ADCYAP1: variants seen among roughly 807,000 people sequenced by gnomAD.
ADCYAP1 encodes the protein pituitary adenylate cyclase-activating polypeptide.
Under a neutral mutation model 18.5 loss-of-function variants are expected in ADCYAP1, and 6 were observed. The ratio of observed to expected loss-of-function variants is 0.32; its 90% CI spans 0.18 to 0.64. The LOEUF is 0.64. Among genes scored for constraint, ADCYAP1 ranks in the 30% least tolerant of loss-of-function variants. ADCYAP1 has a pLI of 0.77. For synonymous variants in ADCYAP1, 136 were observed against 113.9 expected (o/e 1.19, Z -1.24); for missense variants, 314 against 253.6 (o/e 1.24, Z -1.62).
intron 3 of ADCYAP1, 108 bp downstream of exon 3, chr18:907,898 A>C: frequency 7.3e-7 from 1 of 1,375,242 alleles, no homozygotes; most frequent in Non-Finnish European, 9.3e-7. Flanking sequence ...TTTCCCGTGA[A>C]AGTCCTCAAG....
In ADCYAP1 at chr18:909,506, C is replaced by A; in HGVS notation, c.402C>A (p.Asp134Glu). The A allele has an allele frequency of 1.2e-6, 2 of 1,613,870 alleles. No individual in the cohort carries two copies. Among genetic ancestry groups the A allele is most frequent in the Non-Finnish European group, 1.7e-6 (2 of 1,179,970 alleles). ...DAEPLSKRHS[D>E]GIFTDSYSRY... ...AGCCGCTCTCCAAGCGCCACTCGGACGGGATCTTCACGGACAGCTACAGCC... is the reference window on the plus strand; with the variant it reads ...AGCCGCTCTCCAAGCGCCACTCGGAAGGGATCTTCACGGACAGCTACAGCC... The change falls in exon 5 of 5, where the codon GAC becomes GAA. Residue 134 changes from aspartate to glutamate, a missense_variant. Transcript: ENST00000450565.
intron 2 of ADCYAP1, chr18:905,832 A>C (rs1003719735): frequency 1.1e-5 from 4 of 354,750 alleles, no homozygotes; most frequent in Admixed American, 4.4e-5. Context: ...TCTTTTACCT[A>C]TTCTTGGGAC....
At chr18:906,928 C>T (rs1392031185) in intron 2 of ADCYAP1, among the ~76,000 whole-genome samples, 3 of 152,238 alleles carry the variant, frequency 2.0e-5, no homozygotes, top group Non-Finnish European at 4.4e-5. Context: ...GTTTAGTGGC[C>T]TTAAAACACC....
chr18:905,685 G>A, intron 2 of ADCYAP1, 189 bp downstream of exon 2: 1 of 690,622 alleles, frequency 1.4e-6, no homozygotes, highest in Non-Finnish European at 2.4e-6. Context: ...CAGGCTCCGC[G>A]ACTGCTCGGA....
At position 912,142 on chromosome 18, in the gene ADCYAP1, T is replaced by C. The variant is rs1020411968; in HGVS notation, c.*2507T>C. 1.3e-5 allele frequency: 2 copies of C among 152,206 alleles called. No homozygotes were observed. The highest frequency in any genetic ancestry group is 4.8e-5 in the African/African-American group (2 of 41,460). 9.4% of individuals were successfully genotyped at this position (152,206 alleles called of 1,614,324 possible). A position where few individuals can be genotyped will look rare whatever the true frequency, so the allele number is the denominator to read the frequency against. ...AACTGTTATATAAAGTGTGTAAAAT[T>C]TGTATGAATAAATTTTTGTAAACAA... On this transcript the variant is annotated 3_prime_UTR_variant, in exon 5 of 5. Transcript: ENST00000450565.
At chr18:907,932 C>G (rs1367679710) in intron 3 of ADCYAP1, 142 bp downstream of exon 3, 10 of 1,335,204 alleles carry the variant, frequency 7.5e-6, no homozygotes, top group Non-Finnish European at 9.7e-6. Context: ...TGGCCCGATC[C>G]TATTGCAGCG....
In ADCYAP1 at chr18:909,567, G is replaced by A; in HGVS notation, c.463G>A (p.Ala155Thr). Residue 155 changes from alanine to threonine, a missense_variant, in exon 5 of 5, where the codon GCG becomes ACG. Physicochemically the swap from Ala to Thr is moderately conservative, Grantham distance 58. Coordinates refer to ENST00000450565, the MANE Select transcript of ADCYAP1 (RefSeq NM_001099733.2). The part of the protein sequence containing the change: ...RKQMAVKKYL[A>T]AVLGKRYKQR... The stretch of plus-strand genomic sequence containing the variant: ...ACAAATGGCTGTCAAGAAATACTTG[G>A]CGGCCGTCCTAGGGAAGAGGTATAA... 2 of 1,614,178 alleles carry A rather than the reference G, an allele frequency of 1.2e-6. No individual in the cohort carries two copies. Among genetic ancestry groups the A allele is most frequent in the Non-Finnish European group, 1.7e-6 (2 of 1,180,030 alleles).
At position 907,764 on chromosome 18, in the gene ADCYAP1, C is replaced by T; in HGVS notation, c.216C>T (p.Ala72=). 1 of 1,468,938 alleles carries T rather than the reference C, an allele frequency of 6.8e-7. No individual in the cohort carries two copies. The highest frequency in any genetic ancestry group is 1.4e-5 in the South Asian group (1 of 72,920). 91.0% of individuals were successfully genotyped at this position (1,468,938 alleles called of 1,614,324 possible). A position where few individuals can be genotyped will look rare whatever the true frequency, so the allele number is the denominator to read the frequency against. Residue 72 remains alanine, a synonymous_variant, in exon 3 of 5, where the codon GCC becomes GCT. Coordinates refer to ENST00000450565, the MANE Select transcript of ADCYAP1 (RefSeq NM_001099733.2). ...CCGCCTCCGCGCCGCGCGCCGCCGCCGCCTGGTACCGCCCGGCCGGGAGAA... is the reference window on the plus strand; with the variant it reads ...CCGCCTCCGCGCCGCGCGCCGCCGCTGCCTGGTACCGCCCGGCCGGGAGAA... ...GSPASAPRAA[A]AWYRPAGRRD... is the part of the protein sequence containing the mutation.
Position 909,482 on chromosome 18 carries a change from G to A in ADCYAP1, c.378G>A (p.Glu126=). The change falls in exon 5 of 5, where the codon GAG becomes GAA. Residue 126 remains glutamate (E), a synonymous_variant. Transcript: ENST00000450565. ...GCGGCGGCGCGGGGGACGACGCGGAGCCGCTCTCCAAGCGCCACTCGGACG... is the reference window on the plus strand; with the variant it reads ...GCGGCGGCGCGGGGGACGACGCGGAACCGCTCTCCAAGCGCCACTCGGACG... The part of the protein sequence containing the change: ...SLGGGAGDDA[E]PLSKRHSDGI... The A allele has an allele frequency of 6.2e-7, 1 of 1,613,108 alleles. No individual in the cohort carries two copies. The highest frequency in any genetic ancestry group is 1.1e-5 in the South Asian group (1 of 91,022).
upstream of ADCYAP1, chr18:904,668 T>C: frequency 8.2e-7 from 1 of 1,218,050 alleles, no homozygotes; most frequent in South Asian, 1.4e-5. Context: ...GCCCGCCCTC[T>C]CCCTTGCCTT....
At chr18:909,348 C>G (rs902817266) in intron 4 of ADCYAP1, 98 bp from the exon 5 acceptor site, 3 of 1,267,530 alleles carry the variant, frequency 2.4e-6, no homozygotes, top group Admixed American at 2.7e-5. Flanking sequence ...GGGCCCTCCC[C>G]GAAGGCTCCC....
At chr18:908,121 G>A (rs1598984440) in intron 3 of ADCYAP1, 144 bp from the exon 4 acceptor site, 1 of 738,192 alleles carries the variant, frequency 1.4e-6, no homozygotes, top group Non-Finnish European at 2.2e-6. Flanking sequence ...CATCCCGGGA[G>A]TTATTGGCGA....
Position 905,728 on chromosome 18 carries a change from C to G in ADCYAP1, c.110+232C>G, listed in dbSNP as rs534603519. The G allele has an allele frequency of 9.1e-4, 508 of 558,952 alleles. 1 individual carries two copies. The highest frequency in any genetic ancestry group is 9.0e-3 in the African/African-American group (468 of 52,092). 34.6% of individuals were successfully genotyped at this position (558,952 alleles called of 1,614,324 possible). ...CCCAGCCCTAGGCAGCTCAGGGTCC[C>G]GGGTAGAGCCAGTGAGCTTCTGGCC... is the stretch of plus-strand genomic sequence containing the variant. On this transcript the variant is annotated intron_variant, in intron 2 of 4. Coordinates refer to ENST00000450565, the MANE Select transcript of ADCYAP1 (RefSeq NM_001099733.2).
intron 2 of ADCYAP1, chr18:906,550 G>T (rs1187513310): frequency 6.6e-6 from 1 of 152,452 alleles, no homozygotes; most frequent in Non-Finnish European, 1.5e-5. Flanking sequence ...AAGACCCCAG[G>T]GTTCGGGGTA....
intron 2 of ADCYAP1, 114 bp from the exon 3 acceptor site, chr18:907,545 A>T: frequency 2.7e-6 from 3 of 1,123,516 alleles, no homozygotes; most frequent in Non-Finnish European, 3.7e-6. Context: ...GACAATTCTC[A>T]GCGGAGGACT....
upstream of ADCYAP1, chr18:904,537 C>G (rs1217462415): frequency 7.8e-7 from 1 of 1,289,122 alleles, no homozygotes; most frequent in Admixed American, 2.3e-5. Flanking sequence ...ACCTCTGTAA[C>G]CAGCGGTAGC....
chr18:909,812 G>C lies in ADCYAP1; in HGVS notation c.*177G>C, dbSNP rs934451577. On this transcript the variant is annotated 3_prime_UTR_variant, in exon 5 of 5. Coordinates refer to ENST00000450565, the MANE Select transcript of ADCYAP1 (RefSeq NM_001099733.2). The stretch of plus-strand genomic sequence containing the variant: ...TTGTTTTTCTTTCTACAAAGCACTA[G>C]AGAATGCACAGATATACTTTGTGGA... The C allele has an allele frequency of 2.9e-6, 1 of 348,876 alleles. No homozygotes were observed. Among genetic ancestry groups the C allele is most frequent in the African/African-American group, 2.1e-5 (1 of 46,608 alleles). The allele number at this position is 348,876 out of a possible 1,614,324, so 21.6% of individuals were successfully genotyped here. A position where few individuals can be genotyped will look rare whatever the true frequency, so the allele number is the denominator to read the frequency against.
Position 910,481 on chromosome 18 carries a change from C to A in ADCYAP1, c.*846C>A, listed in dbSNP as rs996300288. ...TGTACTTCCTGAGTGGCCAGGGAATCTAATATCCCCAAATTAGGGCAATTG... is the reference window on the plus strand; with the variant it reads ...TGTACTTCCTGAGTGGCCAGGGAATATAATATCCCCAAATTAGGGCAATTG... On this transcript the variant is annotated 3_prime_UTR_variant, in exon 5 of 5. Transcript: ENST00000450565. 2 of 152,232 alleles carry A rather than the reference C, an allele frequency of 1.3e-5. No individual in the cohort carries two copies. Among genetic ancestry groups the A allele is most frequent in the African/African-American group, 4.8e-5 (2 of 41,458 alleles). 9.4% of individuals were successfully genotyped at this position (152,232 alleles called of 1,614,324 possible).
rs148570945 is a variant in ADCYAP1, at chr18:908,346, C to A, written c.324C>A (p.Leu108=). The change falls in exon 4 of 5, where the codon CTC becomes CTA. Residue 108 remains leucine, a synonymous_variant. Transcript: ENST00000450565. ...CCGCCGGGAAGCACCTGCAGTCGCT[C>A]GTGGCCCGGGGCGTGGGGTAAGAGT... is the stretch of plus-strand genomic sequence containing the variant. The part of the protein sequence containing the change: ...QLSAGKHLQS[L]VARGVGGSLG... 3.1e-6 allele frequency: 5 copies of A among 1,613,058 alleles called. No individual in the cohort carries two copies. The highest frequency in any genetic ancestry group is 4.5e-5 in the East Asian group (2 of 44,840).
Sources: gnomAD v4.1 joint callset for allele counts (sites outside exome capture counted in the v4.1 genomes callset) on GRCh38, gnomAD v4.1.1 for gene constraint, MANE v1.5 for transcripts, NCBI Gene and HGNC (gene_info 2026-07-23, HGNC 2026-07-21) for gene names.